The following VPS13B variants were observed in gnomAD, a reference collection of about 807,000 sequenced individuals.
The protein encoded by VPS13B is intermembrane lipid transfer protein VPS13B.
A neutral mutation model predicts 426.4 loss-of-function variants in VPS13B; 285 were observed. That is an observed-to-expected ratio of 0.67 (90% CI 0.61 to 0.74). VPS13B has a LOEUF of 0.74. Ranked by LOEUF, VPS13B falls within the 30% of genes least tolerant of loss-of-function variation. The probability of loss-of-function intolerance (pLI) is 0.00; values close to 1 mark genes in which losing one functional copy is unlikely to be tolerated. For synonymous variants in VPS13B, 1,676 were observed against 1,676.4 expected (o/e 1.00, Z 0.01); for missense variants, 4,537 against 4,782.6 (o/e 0.95, Z 1.51).
intron 39 of VPS13B, among the ~76,000 whole-genome samples, chr8:99,745,258 G>A (rs1021406404): frequency 2.0e-5 from 3 of 151,888 alleles, no homozygotes; most frequent in Middle Eastern, 6.3e-3. Flanking sequence ...TGTTCTATAT[G>A]TGTCCTATTT....
At chr8:99,208,044 C>A (rs1814831861) in intron 17 of VPS13B, among the ~76,000 whole-genome samples, 1 of 152,164 alleles carries the variant, frequency 6.6e-6, no homozygotes. Flanking sequence ...CAAAGTACCA[C>A]AAACTAGGTG....
intron 57 of VPS13B, 111 bp from the exon 58 acceptor site, chr8:99,861,665 C>A (rs990611495): frequency 7.1e-7 from 1 of 1,401,484 alleles, no homozygotes; most frequent in African/African-American, 1.4e-5. Flanking sequence ...TCACTTGCCA[C>A]TGGGCATGTC....
At chr8:99,113,942 A>AT (rs896388291) in intron 6 of VPS13B, among the ~76,000 whole-genome samples, 161 of 151,424 alleles carry the variant, frequency 1.1e-3, no homozygotes, top group African/African-American at 3.1e-3. Context: ...ATAATTTTCC[A>AT]TTTTTTTTGT....
At chr8:99,121,967 T>G (rs1028230057) in intron 8 of VPS13B, among the ~76,000 whole-genome samples, 5 of 150,570 alleles carry the variant, frequency 3.3e-5, no homozygotes, top group African/African-American at 1.2e-4. Flanking sequence ...TCCTCTCACT[T>G]CAGCCTCCCG....
At chr8:99,267,256 T>C (rs918024840) in intron 17 of VPS13B, among the ~76,000 whole-genome samples, 5 of 152,176 alleles carry the variant, frequency 3.3e-5, no homozygotes, top group African/African-American at 1.2e-4. Context: ...AAGTTAACTC[T>C]TGCTGTGCTT....
At chr8:99,512,535 A>T (rs1481712973) in intron 29 of VPS13B, among the ~76,000 whole-genome samples, 1 of 152,212 alleles carries the variant, frequency 6.6e-6, no homozygotes, top group Admixed American at 6.5e-5. Flanking sequence ...AGTTATAATA[A>T]CATTTTTCCA....
chr8:99,639,177 G>T (rs1445953749), intron 33 of VPS13B, among the ~76,000 whole-genome samples: 2 of 152,100 alleles, frequency 1.3e-5, no homozygotes, highest in African/African-American at 2.4e-5. Flanking sequence ...GAGAGTGTTG[G>T]ACTTGATCCC....
chr8:99,335,781 A>G (rs1810815955), intron 19 of VPS13B, among the ~76,000 whole-genome samples: 1 of 152,194 alleles, frequency 6.6e-6, no homozygotes, highest in South Asian at 2.1e-4. Context: ...CAAAGAGAAT[A>G]AAATACCTAG....
At position 99,134,720 on chromosome 8, in the gene VPS13B, C is replaced by G. The variant is rs1182094732; in HGVS notation, c.1295C>G (p.Thr432Arg). Residue 432 changes from threonine (T) to arginine (R), a missense_variant, in exon 9 of 62, where the codon ACA becomes AGA. Thr to Arg is a moderately conservative substitution (Grantham distance 71). Transcript: ENST00000357162. ...EVLCWEQEGT[T>R]VEALMMGEPF... is the part of the protein sequence containing the mutation. ...TTGTGTTGGGAACAAGAAGGAACTA[C>G]AGTTGAGGTAATCTTTCAATATTGA... is the stretch of plus-strand genomic sequence containing the variant. 3 of 1,604,966 alleles carry G rather than the reference C, an allele frequency of 1.9e-6. No homozygotes were observed. In the African/African-American group the frequency reaches 4.0e-5, roughly 21 times the overall value.
At position 99,170,121 on chromosome 8, in the gene VPS13B, G is replaced by T. The variant is rs1410139713; in HGVS notation, c.2291G>T (p.Ser764Ile). The T allele has an allele frequency of 2.5e-6, 4 of 1,612,760 alleles. No individual in the cohort carries two copies. The highest frequency in any genetic ancestry group is 3.4e-6 in the Non-Finnish European group (4 of 1,179,058). Residue 764 changes from serine to isoleucine, a missense_variant, in exon 16 of 62, where the codon AGC becomes ATC. Transcript: ENST00000357162. Reference sequence around the variant, plus strand: ...CCTGTACCAGTTATTCCCTCTTTCAGCACTGCTCTTTATGGGAAACTTCTG... The same window carrying T: ...CCTGTACCAGTTATTCCCTCTTTCATCACTGCTCTTTATGGGAAACTTCTG... Reference protein sequence around the residue: ...CLPVPVIPSFSTALYGKLLKL... With the variant: ...CLPVPVIPSFITALYGKLLKL...
At chr8:99,329,473 A>G (rs1009190491) in intron 19 of VPS13B, among the ~76,000 whole-genome samples, 4 of 152,134 alleles carry the variant, frequency 2.6e-5, no homozygotes, top group Admixed American at 2.0e-4. Flanking sequence ...TTTTATGTCT[A>G]CATTTTTTTG....
intron 22 of VPS13B, 134 bp downstream of exon 22, chr8:99,431,798 A>C: frequency 1.1e-6 from 1 of 942,466 alleles, no homozygotes; most frequent in Non-Finnish European, 1.5e-6. Context: ...ATTTAGTTGA[A>C]AATAATTGGT....
At chr8:99,082,411 A>T (rs947701893) in intron 3 of VPS13B, among the ~76,000 whole-genome samples, 7 of 152,208 alleles carry the variant, frequency 4.6e-5, no homozygotes, top group Admixed American at 2.0e-4. Context: ...ATTCTGTAGG[A>T]TGCCTGTTCA....
At chr8:99,016,054 T>C (rs1401141692) in intron 2 of VPS13B, among the ~76,000 whole-genome samples, 1 of 152,238 alleles carries the variant, frequency 6.6e-6, no homozygotes, top group Non-Finnish European at 1.5e-5. Flanking sequence ...GATTAACCCA[T>C]GTTGTTAGAA....
chr8:99,203,767 A>C (rs539575635), intron 17 of VPS13B, among the ~76,000 whole-genome samples: 1 of 152,342 alleles, frequency 6.6e-6, no homozygotes, highest in East Asian at 1.9e-4. Flanking sequence ...CAATTTTTAC[A>C]AAGAGAATAA....
chr8:99,750,223 C>T (rs538346847), intron 39 of VPS13B, among the ~76,000 whole-genome samples: 1 of 152,184 alleles, frequency 6.6e-6, no homozygotes, highest in South Asian at 2.1e-4. Context: ...TCTGAAATAG[C>T]AAACACATTG....
intron 17 of VPS13B, chr8:99,234,226 C>G: frequency 1.3e-6 from 1 of 775,210 alleles, no homozygotes; most frequent in Non-Finnish European, 2.4e-6. Context: ...CTTAGCTCCT[C>G]CATGGCTATT....
chr8:99,162,982 A>T (rs1811758817), intron 15 of VPS13B, among the ~76,000 whole-genome samples: 1 of 152,170 alleles, frequency 6.6e-6, no homozygotes, highest in Non-Finnish European at 1.5e-5. Flanking sequence ...CGTCCCCATC[A>T]GATTAGTTAG....
chr8:99,776,600 C>T (rs138752050), intron 40 of VPS13B, among the ~76,000 whole-genome samples, 175 bp from the exon 41 acceptor site: 8 of 152,146 alleles, frequency 5.3e-5, no homozygotes, highest in African/African-American at 1.4e-4. Flanking sequence ...TGGCCAAACA[C>T]GAGCTTAATT....
Sources: gnomAD v4.1 joint callset for allele counts (sites outside exome capture counted in the v4.1 genomes callset) on GRCh38, gnomAD v4.1.1 for gene constraint, MANE v1.5 for transcripts, NCBI Gene and HGNC (gene_info 2026-07-23, HGNC 2026-07-21) for gene names.